Variants in GLIS1 observed in about 807,000 individuals in gnomAD.
GLIS1 encodes zinc finger protein GLIS1.
A neutral mutation model predicts 63.8 loss-of-function variants in GLIS1; 24 were observed. The observed-to-expected ratio is 0.38, with a 90% CI of 0.27 to 0.53. The LOEUF (loss-of-function observed/expected upper bound fraction) is 0.53, where lower values mean the gene tolerates loss of function less well. GLIS1 is among the 20% of genes least tolerant of loss of function. The pLI, the probability that GLIS1 is intolerant of heterozygous loss-of-function variation, is 0.85. For missense variants in GLIS1, 1,036 were observed against 1,074.1 expected, an observed-to-expected ratio of 0.96 and a Z score of 0.50; for synonymous variants, 450 against 482.5, an observed-to-expected ratio of 0.93 and a Z score of 0.88.
chr1:53,729,453 G>T (rs1041035647), intron 2 of GLIS1, among the ~76,000 whole-genome samples: 1 of 152,138 alleles, frequency 6.6e-6, no homozygotes, highest in African/African-American at 2.4e-5. Flanking sequence ...TTGACGGGGG[G>T]TACGGAGGGA....
rs960824055 is a variant in GLIS1, at chr1:53,560,269, G to A, written c.1321-30317C>T. On this transcript the variant is annotated intron_variant, in intron 4 of 10. Transcript: ENST00000628545. This position sits in a 1 kb window ranked among gnomAD's most constrained non-coding sequence, Gnocchi z 4.4. ...TTGCCCAGACCTGGGGGCAGCAGCTGTGTTGACTCATCTCTGTCCCAGCAC... is the reference window on the plus strand; with the variant it reads ...TTGCCCAGACCTGGGGGCAGCAGCTATGTTGACTCATCTCTGTCCCAGCAC... 1.9e-4 allele frequency among the ~76,000 whole-genome samples: 29 copies of A among 152,220 alleles called. No individual in the cohort carries two copies. The highest frequency in any genetic ancestry group is 6.5e-4 in the African/African-American group (27 of 41,452).
intron 4 of GLIS1, among the ~76,000 whole-genome samples, chr1:53,565,039 T>C (rs1043469035): frequency 1.3e-5 from 2 of 152,012 alleles, no homozygotes; most frequent in Non-Finnish European, 2.9e-5. Flanking sequence ...CAATATCATA[T>C]AAATAATGTT....
intron 2 of GLIS1, among the ~76,000 whole-genome samples, chr1:53,640,270 T>C (rs1368085587): frequency 6.6e-6 from 1 of 152,160 alleles, no homozygotes; most frequent in Non-Finnish European, 1.5e-5. Flanking sequence ...AAAGCCCCTT[T>C]GTGAAGAATG....
Position 53,594,458 on chromosome 1 carries a change from G to A in GLIS1, c.970C>T (p.Pro324Ser), listed in dbSNP as rs368627108. ...AAGAGCTCTGAAAACTCATCCGCGG[G>A]TTCCTGCTTCAGGAAGCTCGCCTTC... is the stretch of plus-strand genomic sequence containing the variant. ...CRKASFLKQE[P>S]ADEFSELFGP... Residue 324 changes from proline to serine, a missense_variant, in exon 4 of 11, where the codon CCC becomes TCC. Transcript: ENST00000628545. 165 of 1,612,872 alleles carry A rather than the reference G, an allele frequency of 1.0e-4. No individual in the cohort carries two copies. The highest frequency in any genetic ancestry group is 1.6e-4 in the Middle Eastern group (1 of 6,080).
At chr1:53,729,360 G>C (rs184940886) in intron 2 of GLIS1, among the ~76,000 whole-genome samples, 1 of 152,106 alleles carries the variant, frequency 6.6e-6, no homozygotes. Context: ...CACAAAGAGC[G>C]CTCCGTAAGT....
intron 4 of GLIS1, among the ~76,000 whole-genome samples, chr1:53,577,880 A>C (rs1215143184): frequency 6.6e-6 from 1 of 151,664 alleles, no homozygotes; most frequent in Non-Finnish European, 1.5e-5. Flanking sequence ...CTCTGCCACC[A>C]CTCCAAGCGA....
At chr1:53,696,367 G>A (rs1434340464) in intron 2 of GLIS1, among the ~76,000 whole-genome samples, 1 of 152,170 alleles carries the variant, frequency 6.6e-6, no homozygotes, top group Non-Finnish European at 1.5e-5. Context: ...GAATCTAAGG[G>A]AGAAATATTG....
At position 53,624,357 on chromosome 1, in the gene GLIS1, C is replaced by T. The variant is rs565693231; in HGVS notation, c.260-24079G>A. Among the ~76,000 whole-genome samples, 12 of 152,286 alleles carry T rather than the reference C, an allele frequency of 7.9e-5. No individual in the cohort carries two copies. The East Asian group carries it at 2.3e-3, about 29-fold the overall frequency. ...AACTGTATGGAAAAGATGACCTTGACTCCTATCTCACACCACACATGAAAA... is the reference window on the plus strand; with the variant it reads ...AACTGTATGGAAAAGATGACCTTGATTCCTATCTCACACCACACATGAAAA... On this transcript the variant is annotated intron_variant, in intron 2 of 10. Coordinates refer to ENST00000628545, the MANE Select transcript of GLIS1 (RefSeq NM_001367484.1).
intron 2 of GLIS1, among the ~76,000 whole-genome samples, chr1:53,709,975 C>A (rs1646629528): frequency 1.3e-5 from 2 of 152,164 alleles, no homozygotes; most frequent in Non-Finnish European, 2.9e-5. Flanking sequence ...GACACTTGTA[C>A]AGAACAGGTG....
intron 2 of GLIS1, among the ~76,000 whole-genome samples, chr1:53,642,167 C>G (rs527283541): frequency 6.6e-6 from 1 of 152,374 alleles, no homozygotes; most frequent in Non-Finnish European, 1.5e-5. Context: ...TGTTTCTGTT[C>G]CCCATTACGA....
intron 2 of GLIS1, among the ~76,000 whole-genome samples, chr1:53,671,800 T>G (rs1646155575): frequency 6.6e-6 from 1 of 152,226 alleles, no homozygotes; most frequent in African/African-American, 2.4e-5. Flanking sequence ...ATGAGGAAAT[T>G]CAGGCTTAGG....
chr1:53,581,864 C>A (rs901144405), intron 4 of GLIS1, among the ~76,000 whole-genome samples: 7 of 152,076 alleles, frequency 4.6e-5, no homozygotes, highest in South Asian at 4.1e-4. Flanking sequence ...CCCTCCACCC[C>A]CTTCCTCCTC....
At chr1:53,589,381 C>T (rs1645166690) in intron 4 of GLIS1, among the ~76,000 whole-genome samples, 1 of 152,190 alleles carries the variant, frequency 6.6e-6, no homozygotes, top group Non-Finnish European at 1.5e-5. Flanking sequence ...TCCCAGCACC[C>T]AGGATTTTGT....
intron 5 of GLIS1, among the ~76,000 whole-genome samples, chr1:53,527,170 T>C (rs1231962736): frequency 6.6e-6 from 1 of 152,196 alleles, no homozygotes; most frequent in Non-Finnish European, 1.5e-5. Context: ...GGAGGGAGCG[T>C]GTGCAGGCCT....
chr1:53,524,426 G>A (rs919533946), intron 6 of GLIS1, among the ~76,000 whole-genome samples: 3 of 152,224 alleles, frequency 2.0e-5, no homozygotes, highest in African/African-American at 4.8e-5. Flanking sequence ...CACTGAAAGC[G>A]GGGACGTGCT....
At chr1:53,550,509 A>G (rs2100400228) in intron 4 of GLIS1, among the ~76,000 whole-genome samples, 1 of 152,340 alleles carries the variant, frequency 6.6e-6, no homozygotes, top group South Asian at 2.1e-4. Flanking sequence ...CCCAAGGCTG[A>G]GGCTGGAGGT....
chr1:53,517,418 G>A (rs753120609), intron 7 of GLIS1, among the ~76,000 whole-genome samples: 52 of 152,288 alleles, frequency 3.4e-4, no homozygotes, highest in African/African-American at 1.2e-3. Flanking sequence ...GGAGCCTGGC[G>A]AGGAGCTGCC....
At chr1:53,540,150 C>T (rs1180926088) in intron 4 of GLIS1, among the ~76,000 whole-genome samples, 1 of 152,180 alleles carries the variant, frequency 6.6e-6, no homozygotes, top group Non-Finnish European at 1.5e-5. Context: ...CAGAGCTCGG[C>T]CCTGGGAGGG....
chr1:53,705,834 A>T (rs951062282), intron 2 of GLIS1, among the ~76,000 whole-genome samples: 1 of 152,184 alleles, frequency 6.6e-6, no homozygotes, highest in East Asian at 1.9e-4. Context: ...AATTAGGCTA[A>T]TCCTGCCACT....
Sources: allele counts gnomAD v4.1 joint callset (sites outside exome capture counted in the v4.1 genomes callset), GRCh38; gene constraint gnomAD v4.1.1; non-coding constraint Gnocchi (gnomAD v3.1); transcripts MANE v1.5; gene names NCBI Gene and HGNC (gene_info 2026-07-23, HGNC 2026-07-21).